NFIB: variants seen among roughly 807,000 people sequenced by gnomAD.
NFIB encodes the protein nuclear factor 1 B-type.
NFIB carries 11 observed loss-of-function variants against 61.5 expected under a neutral mutation model. The ratio of observed to expected loss-of-function variants is 0.18; its 90% CI spans 0.11 to 0.30. The LOEUF (loss-of-function observed/expected upper bound fraction) is 0.30, where lower values mean the gene tolerates loss of function less well. NFIB is among the 10% of genes least tolerant of loss of function. The probability of loss-of-function intolerance (pLI) is 1.00; values close to 1 mark genes in which losing one functional copy is unlikely to be tolerated. For synonymous variants in NFIB, 260 were observed against 216.5 expected (o/e 1.20, Z -1.76); for missense variants, 471 against 608.9 (o/e 0.77, Z 2.38).
chr9:14,112,220 T>C (rs564694707), intron 10 of NFIB, among the ~76,000 whole-genome samples: 45 of 152,330 alleles, frequency 3.0e-4, no homozygotes, highest in African/African-American at 1.0e-3. Context: ...ATAAAATATA[T>C]TTAAATTCGG....
chr9:14,337,569 A>G (rs910560136), intron 1 of NFIB, among the ~76,000 whole-genome samples: 6 of 152,166 alleles, frequency 3.9e-5, no homozygotes, highest in Non-Finnish European at 8.8e-5. Context: ...TTATGTGTAT[A>G]CTCGGAAGTG....
the NFIB span, among the ~76,000 whole-genome samples, chr9:14,459,266 A>G: frequency 1.3e-5 from 2 of 152,222 alleles, no homozygotes; most frequent in African/African-American, 4.8e-5. Context: ...AGAAATGGGG[A>G]AAGGATTCTC....
intron 3 of NFIB, among the ~76,000 whole-genome samples, chr9:14,162,244 A>C (rs183672604): frequency 7.6e-4 from 112 of 147,380 alleles, no homozygotes; most frequent in African/African-American, 2.8e-3. Context: ...TGAATTTATC[A>C]CTGATTTTTT....
intron 2 of NFIB, among the ~76,000 whole-genome samples, chr9:14,220,885 A>ACACACACC (rs1165598223): frequency 7.7e-5 from 11 of 143,142 alleles, no homozygotes; most frequent in Admixed American, 6.4e-4. Flanking sequence ...ACACACACAC[A>ACACACACC]CCACATCCCA....
At chr9:14,196,515 G>A (rs1280431043) in intron 2 of NFIB, among the ~76,000 whole-genome samples, 2 of 152,038 alleles carry the variant, frequency 1.3e-5, no homozygotes, top group African/African-American at 2.4e-5. Flanking sequence ...GGACACCTGA[G>A]AAGCCAAAAG....
Position 14,144,744 on chromosome 9 carries a change from G to A in NFIB, c.925+1945C>T, listed in dbSNP as rs117923560. The stretch of plus-strand genomic sequence containing the variant: ...GGGTGTTGACAGAGAAAACTAGGAA[G>A]ACAGAATTTAGACTGAAATTTCTCA... On this transcript the variant is annotated intron_variant, in intron 6 of 10. Transcript: ENST00000380953. Among the ~76,000 whole-genome samples, 1,492 of 152,316 alleles carry A rather than the reference G, an allele frequency of 9.8e-3. 11 individuals carry two copies. The highest frequency in any genetic ancestry group is 0.041 in the Middle Eastern group (12 of 294).
chr9:14,387,835 T>A (rs1465354480), intron 1 of NFIB, among the ~76,000 whole-genome samples: 1 of 152,190 alleles, frequency 6.6e-6, no homozygotes, highest in Non-Finnish European at 1.5e-5. Flanking sequence ...AATTTCCCCA[T>A]TATGACACAC....
At chr9:14,129,777 A>AT (rs1194683566) in intron 6 of NFIB, among the ~76,000 whole-genome samples, 3 of 152,220 alleles carry the variant, frequency 2.0e-5, no homozygotes, top group Non-Finnish European at 4.4e-5. Context: ...AAGTTGAATA[A>AT]TAATAAAGTT....
chr9:14,371,565 C>T (rs751705405), intron 1 of NFIB, among the ~76,000 whole-genome samples: 1 of 152,140 alleles, frequency 6.6e-6, no homozygotes, highest in Non-Finnish European at 1.5e-5. Flanking sequence ...TTGGGAACAC[C>T]TAGGCTACAT....
Position 14,116,318 on chromosome 9 carries a change from T to C in NFIB, c.1274A>G (p.Lys425Arg). 6.5e-7 allele frequency: 1 copy of C among 1,532,650 alleles called. No homozygotes were observed. Among genetic ancestry groups the C allele is most frequent in the Non-Finnish European group, 8.8e-7 (1 of 1,138,238 alleles). 94.9% of individuals were successfully genotyped at this position (1,532,650 alleles called of 1,614,324 possible). The part of the protein sequence containing the change: ...QPNGSGQVVG[K>R]VPGHFTPVLA... ...GACAGGAGTGAAATGGCCAGGCACT[T>C]TCCCTACTACTTGACCACTGCCGTT... Residue 425 changes from lysine to arginine, a missense_variant, in exon 9 of 11, where the codon AAA (lysine) becomes AGA (arginine). This residue lies in a region of NFIB where 372 missense variants were observed against 395.6 expected (regional missense o/e 0.94). Transcript: ENST00000380953.
intron 1 of NFIB, among the ~76,000 whole-genome samples, chr9:14,352,910 G>A (rs1023139991): frequency 7.9e-5 from 12 of 152,226 alleles, no homozygotes; most frequent in Admixed American, 2.0e-4. Context: ...GTGTCCGTTT[G>A]TGTCTATAGG....
chr9:14,178,742 T>C (rs1239700761), intron 3 of NFIB, among the ~76,000 whole-genome samples: 1 of 152,196 alleles, frequency 6.6e-6, no homozygotes, highest in Non-Finnish European at 1.5e-5. Flanking sequence ...TGATAAACTT[T>C]CTTGCAATTT....
intron 2 of NFIB, among the ~76,000 whole-genome samples, chr9:14,252,996 T>A (rs1253078406): frequency 6.6e-6 from 1 of 151,884 alleles, no homozygotes; most frequent in Non-Finnish European, 1.5e-5. Flanking sequence ...GGAAGGCAGG[T>A]TGGTTTCTAC....
At chr9:14,365,899 G>T (rs563358288) in intron 1 of NFIB, among the ~76,000 whole-genome samples, 5 of 152,220 alleles carry the variant, frequency 3.3e-5, no homozygotes, top group African/African-American at 1.2e-4. Context: ...TTCTACCCAG[G>T]AACTCCTTCC....
At chr9:14,250,004 T>C (rs2055403843) in intron 2 of NFIB, among the ~76,000 whole-genome samples, 1 of 152,190 alleles carries the variant, frequency 6.6e-6, no homozygotes, top group African/African-American at 2.4e-5. Flanking sequence ...TTTCACCTAT[T>C]CCTAACTCCT....
chr9:14,472,361 T>G, the NFIB span, among the ~76,000 whole-genome samples: 1 of 152,162 alleles, frequency 6.6e-6, no homozygotes, highest in East Asian at 1.9e-4. Context: ...TCTACAAAAT[T>G]TTTATTCCAG....
the NFIB span, among the ~76,000 whole-genome samples, chr9:14,469,942 T>C: frequency 6.6e-6 from 1 of 152,238 alleles, no homozygotes; most frequent in Admixed American, 6.5e-5. Flanking sequence ...ATTTGTGTTG[T>C]GGTTAAATAA....
At chr9:14,346,626 G>A (rs902178492) in intron 1 of NFIB, among the ~76,000 whole-genome samples, 1 of 152,156 alleles carries the variant, frequency 6.6e-6, no homozygotes, top group Non-Finnish European at 1.5e-5. Flanking sequence ...TTGCTGGTTT[G>A]AAAGTTGAAG....
intron 2 of NFIB, among the ~76,000 whole-genome samples, chr9:14,181,181 G>A (rs1489829259): frequency 6.6e-6 from 1 of 152,062 alleles, no homozygotes; most frequent in Non-Finnish European, 1.5e-5. Context: ...TTTGCCTCAT[G>A]CCTGTTAGCT....
Sources: allele counts gnomAD v4.1 joint callset (sites outside exome capture counted in the v4.1 genomes callset), GRCh38; gene constraint gnomAD v4.1.1; regional missense constraint gnomAD v4.1.1; transcripts MANE v1.5; gene names NCBI Gene and HGNC (gene_info 2026-07-23, HGNC 2026-07-21).